Variants in GPC6 observed in about 807,000 individuals in gnomAD.
GPC6 encodes the protein glypican 6.
GPC6 carries 14 observed loss-of-function variants against 55.2 expected under a neutral mutation model. The ratio of observed to expected loss-of-function variants is 0.25; its 90% CI spans 0.17 to 0.40. GPC6 has a LOEUF of 0.40. Ranked by LOEUF, GPC6 falls within the 10% of genes least tolerant of loss-of-function variation. GPC6 has a pLI of 1.00. For synonymous variants in GPC6, 278 were observed against 259.6 expected (o/e 1.07, Z -0.68); for missense variants, 641 against 708.5 (o/e 0.90, Z 1.08).
intron 6 of GPC6, among the ~76,000 whole-genome samples, chr13:94,334,621 G>T (rs1224678458): frequency 1.3e-5 from 2 of 152,192 alleles, no homozygotes; most frequent in African/African-American, 4.8e-5. Context: ...TACGGAAACT[G>T]AAACTCCAAG....
chr13:93,542,630 G>A (rs138336504), intron 1 of GPC6, among the ~76,000 whole-genome samples: 9,067 of 151,990 alleles, frequency 0.06, 887 homozygotes, highest in African/African-American at 0.21. Flanking sequence ...GGCCATTTTC[G>A]TGATATTGAT....
chr13:93,943,475 A>G (rs757940905), intron 3 of GPC6, among the ~76,000 whole-genome samples: 2 of 152,112 alleles, frequency 1.3e-5, no homozygotes, highest in Non-Finnish European at 1.5e-5. Context: ...CTTGCATCCC[A>G]ATTCTGGAGT....
chr13:93,937,121 A>G (rs1878476865), intron 3 of GPC6, among the ~76,000 whole-genome samples: 1 of 152,206 alleles, frequency 6.6e-6, no homozygotes, highest in African/African-American at 2.4e-5. Context: ...ACAGCTCCAC[A>G]TTGGGCTATT....
intron 2 of GPC6, among the ~76,000 whole-genome samples, chr13:93,681,192 T>C (rs1312770475): frequency 6.6e-6 from 1 of 152,200 alleles, no homozygotes; most frequent in Non-Finnish European, 1.5e-5. Context: ...TATTTAGCTT[T>C]GTTTATTACC....
intron 1 of GPC6, among the ~76,000 whole-genome samples, chr13:93,340,026 C>T (rs992001214): frequency 4.3e-3 from 354 of 81,410 alleles, no homozygotes; most frequent in Admixed American, 5.9e-3. Context: ...AGTTTTCTTT[C>T]TTTTTTTTTT....
At chr13:93,776,488 T>C (rs1885472980) in intron 2 of GPC6, among the ~76,000 whole-genome samples, 1 of 152,026 alleles carries the variant, frequency 6.6e-6, no homozygotes, top group Admixed American at 6.6e-5. Context: ...CAGAAGAGTG[T>C]CCATAGCATC....
At chr13:94,353,198 G>A (rs1397363261) in intron 6 of GPC6, among the ~76,000 whole-genome samples, 1 of 152,098 alleles carries the variant, frequency 6.6e-6, no homozygotes. Context: ...ACTTTCTTCT[G>A]CTGAACCACC....
At chr13:93,694,971 CTAATCA>C (rs1404665924) in intron 2 of GPC6, among the ~76,000 whole-genome samples, 3 of 152,010 alleles carry the variant, frequency 2.0e-5, no homozygotes, top group Admixed American at 6.6e-5. Flanking sequence ...CCTTGTACTT[CTAATCA>C]TAAACTTCCT....
chr13:93,789,609 ATAT>A lies in GPC6; in HGVS notation c.320-40544_320-40542del, dbSNP rs1376166999. Among the ~76,000 whole-genome samples the A allele has an allele frequency of 1.7e-3, 21 of 12,154 alleles. 1 individual carries two copies. The highest frequency in any genetic ancestry group is 4.4e-3 in the African/African-American group (19 of 4,324). The allele number at this position is 12,154 out of a possible 152,430, so 8.0% of individuals were successfully genotyped here. ...TATATATAATACTACATATATATAT[ATAT>A]ATATATATATATATATATATATATA... On this transcript the variant is annotated intron_variant, in intron 2 of 8. Coordinates refer to ENST00000377047, the MANE Select transcript of GPC6 (RefSeq NM_005708.5).
chr13:93,491,792 G>T (rs1187027402), intron 1 of GPC6, among the ~76,000 whole-genome samples: 4 of 130,076 alleles, frequency 3.1e-5, no homozygotes, highest in Non-Finnish European at 5.0e-5. Context: ...TTTCCCCATT[G>T]CTTATTTTTC....
intron 1 of GPC6, chr13:93,395,198 CTAA>C (rs1875799060): frequency 3.1e-6 from 1 of 319,510 alleles, no homozygotes; most frequent in Non-Finnish European, 6.1e-6. Context: ...ACTGCAACTA[CTAA>C]TGTTTCTTCC....
chr13:93,288,822 C>A (rs1878222375), intron 1 of GPC6, among the ~76,000 whole-genome samples: 1 of 152,166 alleles, frequency 6.6e-6, no homozygotes, highest in Non-Finnish European at 1.5e-5. Flanking sequence ...AAATACTTAG[C>A]CCACTAAGGT....
At chr13:93,864,950 A>G (rs1387211581) in intron 3 of GPC6, among the ~76,000 whole-genome samples, 2 of 151,754 alleles carry the variant, frequency 1.3e-5, no homozygotes, top group Admixed American at 6.6e-5. Flanking sequence ...TGTAAAGATA[A>G]TCAAAATATA....
At chr13:94,225,670 C>CAT (rs3043530) in intron 4 of GPC6, among the ~76,000 whole-genome samples, 70,913 of 147,072 alleles carry the variant, frequency 0.48, 17,331 homozygotes, top group Non-Finnish European at 0.55. Context: ...AAAGTATACA[C>CAT]ATATATATAT....
intron 4 of GPC6, among the ~76,000 whole-genome samples, chr13:94,190,960 A>AAG (rs939866884): frequency 6.6e-6 from 1 of 152,170 alleles, no homozygotes; most frequent in African/African-American, 2.4e-5. Context: ...ATATATATAT[A>AAG]AGAGAGAGAG....
intron 3 of GPC6, among the ~76,000 whole-genome samples, chr13:93,914,436 A>G (rs925618316): frequency 9.8e-5 from 15 of 152,308 alleles, no homozygotes; most frequent in South Asian, 4.2e-4. Flanking sequence ...CATAGTGTAT[A>G]TGTGCCACCT....
At chr13:93,838,082 T>C (rs1372480171) in intron 3 of GPC6, among the ~76,000 whole-genome samples, 2 of 152,220 alleles carry the variant, frequency 1.3e-5, no homozygotes, top group Non-Finnish European at 2.9e-5. Flanking sequence ...TTTCTGTGGA[T>C]AGAAGCATTC....
chr13:93,456,827 C>T (rs551474499), intron 1 of GPC6, among the ~76,000 whole-genome samples: 1 of 152,196 alleles, frequency 6.6e-6, no homozygotes, highest in African/African-American at 2.4e-5. Context: ...CTCCATCATC[C>T]TACTCTCTGC....
At chr13:94,217,303 T>G (rs1890254993) in intron 4 of GPC6, among the ~76,000 whole-genome samples, 1 of 152,208 alleles carries the variant, frequency 6.6e-6, no homozygotes, top group South Asian at 2.1e-4. Flanking sequence ...TATTGTTATG[T>G]TCAATAATGT....
Sources: allele counts gnomAD v4.1 joint callset (sites outside exome capture counted in the v4.1 genomes callset), GRCh38; gene constraint gnomAD v4.1.1; transcripts MANE v1.5; gene names NCBI Gene and HGNC (gene_info 2026-07-23, HGNC 2026-07-21).